The following SEC62 variants were observed in gnomAD, a reference collection of about 807,000 sequenced individuals.
The protein encoded by SEC62 is SEC62 preprotein translocation factor.
Under a neutral mutation model 47.5 loss-of-function variants are expected in SEC62, and 10 were observed. That is an observed-to-expected ratio of 0.21 (90% CI 0.13 to 0.36). The LOEUF (loss-of-function observed/expected upper bound fraction) is 0.36. SEC62 is among the 10% of genes least tolerant of loss of function. SEC62 has a pLI of 1.00. For synonymous variants in SEC62, 136 were observed against 150.5 expected, an observed-to-expected ratio of 0.90 and a Z score of 0.71; for missense variants, 327 against 464.1, an observed-to-expected ratio of 0.70 and a Z score of 2.71.
intron 1 of SEC62, among the ~76,000 whole-genome samples, chr3:169,971,427 G>C (rs1714696088): frequency 6.6e-6 from 1 of 152,092 alleles, no homozygotes; most frequent in African/African-American, 2.4e-5. Context: ...CCAAAGCAAT[G>C]GCACAAATTA....
chr3:169,987,189 G>C (rs760937382), intron 6 of SEC62, among the ~76,000 whole-genome samples: 7 of 152,014 alleles, frequency 4.6e-5, no homozygotes, highest in Non-Finnish European at 1.0e-4. Context: ...CACTTTAGGA[G>C]GCCAAGGCAG....
Position 169,966,841 on chromosome 3 carries a change from C to A in SEC62, c.19C>A (p.His7Asn), listed in dbSNP as rs762236006. ...GGCCAACATGGCGGAACGCAGGAGA[C>A]ACAAGAAGCGGATCCAGGTAGCAAA... MAERRR[H>N]KKRIQEVGEP... The change falls in exon 1 of 8, where the codon CAC (histidine) becomes AAC (asparagine). Residue 7 changes from histidine to asparagine, a missense_variant. By Grantham distance (68) the His-to-Asn change is moderately conservative. Around this residue, in one of 3 missense-constraint regions of SEC62, gnomAD observed 126 missense variants for 161.2 expected, o/e 0.78. Coordinates refer to ENST00000337002, the MANE Select transcript of SEC62 (RefSeq NM_003262.4). 17 of 1,556,126 alleles carry A rather than the reference C, an allele frequency of 1.1e-5. No individual in the cohort carries two copies. The South Asian group carries it at 1.4e-4, about 13-fold the overall frequency.
At chr3:169,968,992 T>G (rs1714626912) in intron 1 of SEC62, among the ~76,000 whole-genome samples, 2 of 152,180 alleles carry the variant, frequency 1.3e-5, no homozygotes, top group African/African-American at 4.8e-5. Flanking sequence ...AGTTTTATCA[T>G]TCCAGATAAT....
chr3:169,996,117 G>A lies in SEC62; in HGVS notation c.*3054G>A, dbSNP rs1353405518. ...AACCTCAGCTCAGAATATGTGTACA[G>A]CAAGTTTTTTGCTGTACCACAAAAT... is the stretch of plus-strand genomic sequence containing the variant. On this transcript the variant is annotated 3_prime_UTR_variant, in exon 8 of 8. Transcript: ENST00000337002. The A allele has an allele frequency of 6.6e-6, 1 of 152,218 alleles. No homozygotes were observed. Among genetic ancestry groups the A allele is most frequent in the South Asian group, 2.1e-4 (1 of 4,830 alleles). The allele number at this position is 152,218 out of a possible 1,614,324, so 9.4% of individuals were successfully genotyped here.
intron 3 of SEC62, among the ~76,000 whole-genome samples, chr3:169,979,222 C>G (rs1019970603): frequency 6.6e-6 from 1 of 152,172 alleles, no homozygotes. Flanking sequence ...AGAGCCACTT[C>G]TAATATAACC....
At chr3:169,983,486 A>G (rs1003726221) in intron 5 of SEC62, 5 of 304,030 alleles carry the variant, frequency 1.6e-5, no homozygotes, top group Admixed American at 5.0e-5. Context: ...TACAAAATAG[A>G]TGCTTATTTC....
At chr3:169,979,503 T>G (rs1212005415) in intron 3 of SEC62, among the ~76,000 whole-genome samples, 1 of 152,232 alleles carries the variant, frequency 6.6e-6, no homozygotes, top group Non-Finnish European at 1.5e-5. Context: ...TCCACAAGAC[T>G]TTGTATCACT....
At chr3:169,983,431 G>A (rs1715027059) in intron 5 of SEC62, 178 bp downstream of exon 5, 1 of 420,036 alleles carries the variant, frequency 2.4e-6, no homozygotes, top group Admixed American at 4.3e-5. Flanking sequence ...TTAAAAGTCA[G>A]ATTTGACTGT....
intron 5 of SEC62, among the ~76,000 whole-genome samples, chr3:169,984,179 T>G (rs1011761745): frequency 6.6e-6 from 1 of 152,220 alleles, no homozygotes; most frequent in Non-Finnish European, 1.5e-5. Flanking sequence ...CTTACTTGCA[T>G]GAGACTATCT....
intron 1 of SEC62, among the ~76,000 whole-genome samples, chr3:169,967,600 C>G (rs747134620): frequency 6.6e-6 from 1 of 152,146 alleles, no homozygotes; most frequent in South Asian, 2.1e-4. Flanking sequence ...ATAACATCTC[C>G]CCCTAATTCC....
In SEC62 at chr3:169,996,547, G is replaced by T. The variant is rs1430381314; in HGVS notation, c.*3484G>T. 6.6e-6 allele frequency: 1 copy of T among 152,488 alleles called. No individual in the cohort carries two copies. The highest frequency in any genetic ancestry group is 1.5e-5 in the Non-Finnish European group (1 of 68,092). The allele number at this position is 152,488 out of a possible 1,614,324, so 9.4% of individuals were successfully genotyped here. On this transcript the variant is annotated 3_prime_UTR_variant, in exon 8 of 8. Coordinates refer to ENST00000337002, the MANE Select transcript of SEC62 (RefSeq NM_003262.4). ...TCCCCTCCAGCTCCACTCTGCTCTT[G>T]CCCACAAAGCTGACCCGAATGGACC...
intron 5 of SEC62, 93 bp from the exon 6 acceptor site, chr3:169,985,712 G>T: frequency 1.1e-6 from 1 of 882,830 alleles, no homozygotes; most frequent in South Asian, 1.9e-5. Context: ...AGAGGTTGAT[G>T]ACTGCTTTAA....
intron 3 of SEC62, among the ~76,000 whole-genome samples, chr3:169,980,282 A>AAGGAAAT (rs1256531854): frequency 7.9e-5 from 12 of 152,268 alleles, no homozygotes; most frequent in Non-Finnish European, 4.4e-5. Flanking sequence ...CAAGAGAAGA[A>AAGGAAAT]AGGAAATTCA....
intron 6 of SEC62, among the ~76,000 whole-genome samples, chr3:169,987,243 A>G (rs1576863387): frequency 6.6e-6 from 1 of 151,708 alleles, no homozygotes; most frequent in Non-Finnish European, 1.5e-5. Flanking sequence ...CCTAGGCAAC[A>G]TGGCGAAACC....
Position 169,966,839 on chromosome 3 carries a change from G to A in SEC62, c.17G>A (p.Arg6Lys). The A allele has an allele frequency of 6.4e-7, 1 of 1,556,076 alleles. No homozygotes were observed. The highest frequency in any genetic ancestry group is 8.7e-7 in the Non-Finnish European group (1 of 1,149,588). Residue 6 changes from arginine (R) to lysine (K), a missense_variant, in exon 1 of 8, where the codon AGA (arginine) becomes AAA (lysine). This residue lies in a region of SEC62 where 126 missense variants were observed against 161.2 expected (regional missense o/e 0.78). Coordinates refer to ENST00000337002, the MANE Select transcript of SEC62 (RefSeq NM_003262.4). Reference sequence around the variant, plus strand: ...GCGGCCAACATGGCGGAACGCAGGAGACACAAGAAGCGGATCCAGGTAGCA... The same window carrying A: ...GCGGCCAACATGGCGGAACGCAGGAAACACAAGAAGCGGATCCAGGTAGCA... Reference protein sequence around the residue: MAERRRHKKRIQEVGE... With the variant: MAERRKHKKRIQEVGE...
intron 1 of SEC62, among the ~76,000 whole-genome samples, chr3:169,969,030 A>G (rs1714627847): frequency 6.6e-6 from 1 of 152,218 alleles, no homozygotes; most frequent in African/African-American, 2.4e-5. Flanking sequence ...CACTTGTGAT[A>G]AAAAGATCAA....
At chr3:169,981,258 G>A (rs1311508662) in intron 3 of SEC62, among the ~76,000 whole-genome samples, 1 of 152,208 alleles carries the variant, frequency 6.6e-6, no homozygotes, top group Non-Finnish European at 1.5e-5. Flanking sequence ...TAAGTAGTAT[G>A]GGCCAAATGA....
chr3:169,983,182 A>G lies in SEC62; in HGVS notation c.478A>G (p.Lys160Glu). The G allele has an allele frequency of 6.2e-7, 1 of 1,611,516 alleles. No homozygotes were observed. The highest frequency in any genetic ancestry group is 8.5e-7 in the Non-Finnish European group (1 of 1,178,482). The part of the protein sequence containing the change: ...SKKEETPGTP[K>E]KKETKKKFKL... Reference sequence around the variant, plus strand: ...ATAGGAGGAAACTCCAGGAACTCCTAAAAAGAAGGAAACTAAGAAAAAATT... The same window carrying G: ...ATAGGAGGAAACTCCAGGAACTCCTGAAAAGAAGGAAACTAAGAAAAAATT... Residue 160 changes from lysine (K) to glutamate (E), a missense_variant, in exon 5 of 8, where the codon AAA becomes GAA. By Grantham distance (56) the Lys-to-Glu change is moderately conservative. Coordinates refer to ENST00000337002, the MANE Select transcript of SEC62 (RefSeq NM_003262.4).
intron 6 of SEC62, among the ~76,000 whole-genome samples, chr3:169,987,009 CT>C (rs1715125216): frequency 6.6e-6 from 1 of 151,020 alleles, no homozygotes; most frequent in South Asian, 2.1e-4. Context: ...TTTTGATTTG[CT>C]TTTTAACGTG....
Sources: allele counts gnomAD v4.1 joint callset (sites outside exome capture counted in the v4.1 genomes callset), GRCh38; gene constraint gnomAD v4.1.1; regional missense constraint gnomAD v4.1.1; transcripts MANE v1.5; gene names NCBI Gene and HGNC (gene_info 2026-07-23, HGNC 2026-07-21).